The following CPNE4 variants were observed in gnomAD, a reference collection of about 807,000 sequenced individuals.
CPNE4 encodes the protein copine-4.
A neutral mutation model predicts 67.9 loss-of-function variants in CPNE4; 25 were observed. The ratio of observed to expected loss-of-function variants is 0.37; its 90% CI spans 0.27 to 0.51. The LOEUF is 0.51. CPNE4 is among the 20% of genes least tolerant of loss of function. The pLI is 0.93. For synonymous variants in CPNE4, 242 were observed against 244.9 expected, an observed-to-expected ratio of 0.99 and a Z score of 0.11; for missense variants, 464 against 690.8, an observed-to-expected ratio of 0.67 and a Z score of 3.68.
intron 2 of CPNE4, among the ~76,000 whole-genome samples, chr3:131,789,277 T>C (rs1031028682): frequency 1.6e-4 from 25 of 152,252 alleles, no homozygotes; most frequent in African/African-American, 5.5e-4. Flanking sequence ...GACCTGTCAA[T>C]TACTAGCTGT....
At chr3:132,038,318 A>G (rs936455511), upstream of CPNE4, among the ~76,000 whole-genome samples, 7 of 152,202 alleles carry the variant, frequency 4.6e-5, no homozygotes, top group Non-Finnish European at 8.8e-5. Flanking sequence ...TGCAGGAATT[A>G]AATATTCCAC....
chr3:131,959,159 C>G (rs2072088126), intron 1 of CPNE4, among the ~76,000 whole-genome samples: 1 of 52,476 alleles, frequency 1.9e-5, no homozygotes, highest in Non-Finnish European at 3.5e-5. Flanking sequence ...CGCCACTACG[C>G]CCGGCTAATT....
chr3:131,884,919 G>A (rs1241972251), intron 2 of CPNE4, among the ~76,000 whole-genome samples: 5 of 152,118 alleles, frequency 3.3e-5, no homozygotes, highest in African/African-American at 1.2e-4. Context: ...AAATTGCCCA[G>A]TCTCTGGTAT....
chr3:131,624,094 G>C (rs1203669535), intron 7 of CPNE4, among the ~76,000 whole-genome samples: 1 of 152,068 alleles, frequency 6.6e-6, no homozygotes, highest in African/African-American at 2.4e-5. Context: ...ACTGCTATTG[G>C]TGTCTTTCTG....
rs774553973 is a variant in CPNE4 at position 131,564,340 on chromosome 3, C to A, written c.937G>T (p.Asp313Tyr). 4 of 1,610,446 alleles carry A rather than the reference C, an allele frequency of 2.5e-6. No individual in the cohort carries two copies. In the South Asian group the frequency reaches 4.4e-5, roughly 18 times the overall value. Residue 313 changes from aspartate to tyrosine, a missense_variant, in exon 11 of 16, where the codon GAT (aspartate) becomes TAT (tyrosine). Transcript: ENST00000429747. ...GCQIQFTVAI[D>Y]FTASNGDPRN... ...GGGTCCCCGTTTGAGGCAGTGAAAT[C>A]TATAGCTACCTAAAAGAGAAAAATA...
chr3:131,745,200 T>C (rs1339523695), intron 2 of CPNE4, among the ~76,000 whole-genome samples: 1 of 152,162 alleles, frequency 6.6e-6, no homozygotes, highest in Non-Finnish European at 1.5e-5. Flanking sequence ...TCAAACACCT[T>C]TTCATGTACT....
intron 2 of CPNE4, among the ~76,000 whole-genome samples, chr3:131,900,630 CA>C (rs1416193159): frequency 6.6e-6 from 1 of 152,072 alleles, no homozygotes; most frequent in African/African-American, 2.4e-5. Flanking sequence ...TTTGAGGACA[CA>C]AGCCATAGTG....
intron 8 of CPNE4, among the ~76,000 whole-genome samples, chr3:131,586,872 C>T (rs536225237): frequency 3.9e-5 from 6 of 152,142 alleles, no homozygotes; most frequent in Admixed American, 3.9e-4. Context: ...TGTGGTAGTG[C>T]TTGTGTACAG....
chr3:131,594,773 G>A (rs1325188270), intron 7 of CPNE4, among the ~76,000 whole-genome samples: 1 of 152,120 alleles, frequency 6.6e-6, no homozygotes, highest in Non-Finnish European at 1.5e-5. Flanking sequence ...CTATGGAATG[G>A]CATAAAATAT....
intron 2 of CPNE4, among the ~76,000 whole-genome samples, chr3:131,858,383 A>G (rs931249431): frequency 2.0e-5 from 3 of 152,162 alleles, no homozygotes; most frequent in Non-Finnish European, 2.9e-5. Context: ...AAGCAGCCCC[A>G]GATAAAAGAT....
At chr3:131,842,618 C>T (rs2085830438) in intron 2 of CPNE4, among the ~76,000 whole-genome samples, 1 of 151,526 alleles carries the variant, frequency 6.6e-6, no homozygotes, top group Non-Finnish European at 1.5e-5. Context: ...ATTGTGTTAA[C>T]CTGGACAAGA....
At chr3:131,788,014 G>A (rs926999994) in intron 2 of CPNE4, among the ~76,000 whole-genome samples, 2 of 152,012 alleles carry the variant, frequency 1.3e-5, no homozygotes, top group African/African-American at 2.4e-5. Flanking sequence ...AATGAATGGC[G>A]AATGTACCAA....
chr3:131,556,896 A>C (rs1936488310), intron 11 of CPNE4, among the ~76,000 whole-genome samples: 1 of 152,102 alleles, frequency 6.6e-6, no homozygotes, highest in South Asian at 2.1e-4. Context: ...CTGCTAGATG[A>C]TGTATCTATT....
chr3:131,951,975 C>G (rs921898823), intron 1 of CPNE4, among the ~76,000 whole-genome samples: 2 of 152,070 alleles, frequency 1.3e-5, no homozygotes, highest in African/African-American at 4.8e-5. Flanking sequence ...AGCCTCTGCC[C>G]AGCCGCCACC....
intron 6 of CPNE4, among the ~76,000 whole-genome samples, chr3:131,671,142 T>C (rs1417171604): frequency 6.6e-6 from 1 of 152,192 alleles, no homozygotes; most frequent in Non-Finnish European, 1.5e-5. Context: ...CTTTTATAAG[T>C]GATTCCCTCT....
chr3:131,801,564 A>T (rs1010381975), intron 2 of CPNE4, among the ~76,000 whole-genome samples: 4 of 148,418 alleles, frequency 2.7e-5, no homozygotes, highest in Non-Finnish European at 4.5e-5. Flanking sequence ...TAGTAGAATC[A>T]AAATCAGGTG....
chr3:131,602,113 C>T (rs1490348180), intron 7 of CPNE4, among the ~76,000 whole-genome samples: 2 of 152,164 alleles, frequency 1.3e-5, no homozygotes, highest in Non-Finnish European at 2.9e-5. Flanking sequence ...GAGTGGGTTA[C>T]AAGAATCTGC....
At chr3:132,030,705 A>T (rs902105599) in intron 1 of CPNE4, among the ~76,000 whole-genome samples, 3 of 152,246 alleles carry the variant, frequency 2.0e-5, no homozygotes, top group Admixed American at 2.0e-4. Flanking sequence ...CTGATTTAGG[A>T]GAAAATATAT....
chr3:131,978,147 TA>T (rs1400838442), intron 1 of CPNE4, among the ~76,000 whole-genome samples: 1 of 75,834 alleles, frequency 1.3e-5, no homozygotes, highest in African/African-American at 6.9e-5. Flanking sequence ...TAAATATATA[TA>T]AAATATATAA....
Sources: gnomAD v4.1 joint callset for allele counts (sites outside exome capture counted in the v4.1 genomes callset) on GRCh38, gnomAD v4.1.1 for gene constraint, MANE v1.5 for transcripts, NCBI Gene and HGNC (gene_info 2026-07-23, HGNC 2026-07-21) for gene names.